Variants in ADPRHL1 observed in about 807,000 individuals in gnomAD.
ADPRHL1 encodes the protein inactive ADP-ribosyltransferase ARH2.
A neutral mutation model predicts 44.1 loss-of-function variants in ADPRHL1; 43 were observed. The observed-to-expected ratio is 0.98, with a 90% CI of 0.76 to 1.26. The LOEUF is 1.26. Among genes scored for constraint, ADPRHL1 ranks in the 50% most tolerant of loss-of-function variants. The pLI is 0.00. For synonymous variants in ADPRHL1, 878 were observed against 1,017.4 expected (o/e 0.86, Z 2.61); for missense variants, 2,022 against 2,496.9 (o/e 0.81, Z 4.05).
At chr13:113,419,997 G>T (rs906235980) in intron 7 of ADPRHL1, among the ~76,000 whole-genome samples, 1 of 152,130 alleles carries the variant, frequency 6.6e-6, no homozygotes, top group Admixed American at 6.5e-5. Context: ...ACAGCTCGGG[G>T]GGTGTGTGAG....
chr13:113,403,284 G>T lies in ADPRHL1; in HGVS notation c.*94C>A. The T allele has an allele frequency of 1.9e-6, 2 of 1,030,196 alleles. No homozygotes were observed. The highest frequency in any genetic ancestry group is 1.2e-6 in the Non-Finnish European group (1 of 804,480). 63.8% of individuals were successfully genotyped at this position (1,030,196 alleles called of 1,614,324 possible). On this transcript the variant is annotated 3_prime_UTR_variant, in exon 8 of 8. Transcript: ENST00000612156. ...GGAAACAGGCGTCTCTGTAGGGGAT[G>T]CTCCAAGACGCATTTGGAGGCAGGA...
rs922498919 is a variant in ADPRHL1, at chr13:113,408,744, C to T, written c.1062-524G>A. On this transcript the variant is annotated intron_variant, in intron 7 of 7. Coordinates refer to ENST00000612156, the MANE Select transcript of ADPRHL1 (RefSeq NM_001394807.1). ...AGCAGAGACTGAAGATTCAGCAAACCGCTCAGGCTTGGGGTGGGCGGAGAA... is the reference window on the plus strand; with the variant it reads ...AGCAGAGACTGAAGATTCAGCAAACTGCTCAGGCTTGGGGTGGGCGGAGAA... 4.0e-5 allele frequency among the ~76,000 whole-genome samples: 6 copies of T among 151,408 alleles called. No homozygotes were observed. The East Asian group carries it at 5.8e-4, about 15-fold the overall frequency.
intron 3 of ADPRHL1, among the ~76,000 whole-genome samples, chr13:113,431,294 A>G (rs1282278800): frequency 2.6e-5 from 4 of 152,354 alleles, no homozygotes; most frequent in Non-Finnish European, 5.9e-5. Flanking sequence ...CGGCCGCTAC[A>G]TGGAGCATGG....
At chr13:113,430,195 C>T (rs1053633095) in intron 3 of ADPRHL1, among the ~76,000 whole-genome samples, 2 of 152,214 alleles carry the variant, frequency 1.3e-5, no homozygotes, top group African/African-American at 4.8e-5. Context: ...GTGTGCAAGC[C>T]ATCAGAGAGG....
intron 1 of ADPRHL1, among the ~76,000 whole-genome samples, chr13:113,447,619 G>T (rs140143693): frequency 3.0e-4 from 46 of 152,324 alleles, no homozygotes; most frequent in African/African-American, 1.1e-3. Flanking sequence ...ATGGTGTTGT[G>T]TGCATGCACA....
At chr13:113,446,932 T>C (rs1365773823) in intron 1 of ADPRHL1, among the ~76,000 whole-genome samples, 1 of 142,072 alleles carries the variant, frequency 7.0e-6, no homozygotes, top group East Asian at 2.2e-4. Flanking sequence ...GCAAGTTGTA[T>C]GTGCATGGTG....
intron 7 of ADPRHL1, 132 bp downstream of exon 7, chr13:113,422,694 A>G: frequency 9.2e-7 from 1 of 1,088,206 alleles, no homozygotes; most frequent in Non-Finnish European, 1.3e-6. Context: ...ACAGAGAGTT[A>G]GATGTGGCCA....
intron 4 of ADPRHL1, among the ~76,000 whole-genome samples, chr13:113,425,583 G>C (rs1163767415): frequency 6.6e-6 from 1 of 151,958 alleles, no homozygotes; most frequent in Non-Finnish European, 1.5e-5. Flanking sequence ...TGTTAGTCAG[G>C]CTGATCTCGA....
intron 7 of ADPRHL1, among the ~76,000 whole-genome samples, chr13:113,419,067 A>ACTCC (rs2043902217): frequency 4.1e-5 from 1 of 24,126 alleles, no homozygotes; most frequent in Non-Finnish European, 7.9e-5. Context: ...TCCTTCCTTC[A>ACTCC]CTCCCTCCTT....
rs867405550 is a variant in ADPRHL1, at chr13:113,409,018, C to T, written c.1062-798G>A. On this transcript the variant is annotated intron_variant, in intron 7 of 7. Coordinates refer to ENST00000612156, the MANE Select transcript of ADPRHL1 (RefSeq NM_001394807.1). This position sits in a 1 kb window ranked among gnomAD's most constrained non-coding sequence, Gnocchi z 4.2. ...GGCTGGGATCACTTGGCTGGGTCTC[C>T]GGAACCCCTTTCAAAATGGCTTAGA... Among the ~76,000 whole-genome samples the T allele has an allele frequency of 6.6e-6, 1 of 152,158 alleles. No homozygotes were observed. The highest frequency in any genetic ancestry group is 1.5e-5 in the Non-Finnish European group (1 of 68,022).
intron 1 of ADPRHL1, among the ~76,000 whole-genome samples, chr13:113,450,331 A>G (rs1301629866): frequency 6.6e-6 from 1 of 152,230 alleles, no homozygotes; most frequent in Non-Finnish European, 1.5e-5. Context: ...TGAGTTGAAA[A>G]AAATCTGCTT....
chr13:113,417,157 C>T (rs532143900), intron 7 of ADPRHL1, among the ~76,000 whole-genome samples: 8 of 152,230 alleles, frequency 5.3e-5, no homozygotes, highest in Non-Finnish European at 1.0e-4. Flanking sequence ...GCACCAGCAC[C>T]CCACTGGCAG....
chr13:113,424,994 C>T, intron 5 of ADPRHL1, 58 bp downstream of exon 5: 2 of 1,602,626 alleles, frequency 1.2e-6, no homozygotes, highest in Non-Finnish European at 1.7e-6. Context: ...ACTTGCTATG[C>T]ACTTATTGAG....
At chr13:113,426,338 G>T (rs151093513) in intron 4 of ADPRHL1, among the ~76,000 whole-genome samples, 1 of 152,234 alleles carries the variant, frequency 6.6e-6, no homozygotes, top group Non-Finnish European at 1.5e-5. Context: ...CCCTGGCACC[G>T]CGGGAGCCAC....
At chr13:113,416,852 C>A (rs2139608674) in intron 7 of ADPRHL1, among the ~76,000 whole-genome samples, 1 of 152,278 alleles carries the variant, frequency 6.6e-6, no homozygotes, top group East Asian at 1.9e-4. Flanking sequence ...ATAGGGTCGG[C>A]AGGTTATTCT....
chr13:113,430,478 T>C (rs547944062), intron 3 of ADPRHL1, among the ~76,000 whole-genome samples: 2 of 152,230 alleles, frequency 1.3e-5, no homozygotes, highest in Non-Finnish European at 2.9e-5. Flanking sequence ...GTGGGAGGAC[T>C]AGTGACGGCC....
intron 4 of ADPRHL1, 149 bp downstream of exon 4, chr13:113,428,803 C>T (rs144327446): frequency 1.3e-5 from 16 of 1,268,212 alleles, no homozygotes; most frequent in African/African-American, 1.2e-4. Flanking sequence ...GCCTGCCTTG[C>T]GAGGCCAGCT....
chr13:113,429,507 G>A (rs1201103373), intron 3 of ADPRHL1, among the ~76,000 whole-genome samples: 3 of 152,352 alleles, frequency 2.0e-5, no homozygotes, highest in South Asian at 2.1e-4. Context: ...CTTCCTCTCC[G>A]CGGCTGAATC....
In ADPRHL1 at chr13:113,405,106, G is replaced by C. The variant is rs781068961; in HGVS notation, c.4176C>G (p.Pro1392=). ...SHQAQEETPQ[P]GDAGKRVAPS... is the part of the protein sequence containing the mutation. ...GCGCCACCCTCTTCCCCGCATCCCC[G>C]GGCTGGGGGGTCTCCTCCTGTGCCT... is the stretch of plus-strand genomic sequence containing the variant. Residue 1392 remains proline, a synonymous_variant, in exon 8 of 8, where the codon CCC becomes CCG. Transcript: ENST00000612156. 1 of 1,232,066 alleles carries C rather than the reference G, an allele frequency of 8.1e-7. No homozygotes were observed. Among genetic ancestry groups the C allele is most frequent in the East Asian group, 3.2e-5 (1 of 31,722 alleles). The allele number at this position is 1,232,066 out of a possible 1,614,324, so 76.3% of individuals were successfully genotyped here.
Sources: gnomAD v4.1 joint callset for allele counts (sites outside exome capture counted in the v4.1 genomes callset) on GRCh38, gnomAD v4.1.1 for gene constraint, Gnocchi (gnomAD v3.1) non-coding constraint, MANE v1.5 for transcripts, NCBI Gene and HGNC (gene_info 2026-07-23, HGNC 2026-07-21) for gene names.